Variants in KIF3C observed in about 807,000 individuals in gnomAD.
KIF3C encodes the protein kinesin family member 3C, also known as kinesin-like protein KIF3C.
KIF3C carries 12 observed loss-of-function variants against 67.7 expected under a neutral mutation model. The ratio of observed to expected loss-of-function variants is 0.18; its 90% CI spans 0.11 to 0.29. The LOEUF is 0.29. Among genes scored for constraint, KIF3C ranks in the 10% least tolerant of loss-of-function variants. KIF3C has a pLI of 1.00. For synonymous variants in KIF3C, 393 were observed against 426.2 expected, an observed-to-expected ratio of 0.92 and a Z score of 0.96; for missense variants, 789 against 1,059.6, an observed-to-expected ratio of 0.74 and a Z score of 3.55.
intron 1 of KIF3C, among the ~76,000 whole-genome samples, chr2:25,973,953 G>C (rs906068097): frequency 1.2e-4 from 18 of 152,224 alleles, no homozygotes; most frequent in Admixed American, 6.5e-5. Flanking sequence ...AATATATCAG[G>C]AAGGTGGCCA....
intron 5 of KIF3C, among the ~76,000 whole-genome samples, chr2:25,944,070 T>C (rs1373434908): frequency 6.6e-6 from 1 of 151,948 alleles, no homozygotes; most frequent in African/African-American, 2.4e-5. Context: ...TTCATAGATA[T>C]GTAATCTTGC....
At chr2:25,951,424 A>C (rs944100536) in intron 5 of KIF3C, 15 of 243,432 alleles carry the variant, frequency 6.2e-5, no homozygotes, top group Admixed American at 1.0e-4. Flanking sequence ...GCGCTTGGCA[A>C]ATATTAACTG....
chr2:25,942,527 C>G (rs1225009156), intron 5 of KIF3C, among the ~76,000 whole-genome samples: 1 of 151,718 alleles, frequency 6.6e-6, no homozygotes, highest in Non-Finnish European at 1.5e-5. Context: ...TCTCCTGCCT[C>G]AGCCTCCCAA....
chr2:25,966,100 T>G (rs1664132868), intron 1 of KIF3C, among the ~76,000 whole-genome samples: 1 of 151,704 alleles, frequency 6.6e-6, no homozygotes, highest in Non-Finnish European at 1.5e-5. Context: ...TTAAGGAATC[T>G]GTCTAGATGC....
chr2:25,962,525 C>T (rs965981874), intron 1 of KIF3C, among the ~76,000 whole-genome samples: 23 of 150,598 alleles, frequency 1.5e-4, no homozygotes, highest in Admixed American at 3.4e-4. Flanking sequence ...ATTACAGGCG[C>T]GCACCACCAC....
chr2:25,928,770 G>A lies in KIF3C; in HGVS notation c.*208C>T, dbSNP rs1276777738. 6 of 529,566 alleles carry A rather than the reference G, an allele frequency of 1.1e-5. No individual in the cohort carries two copies. Among genetic ancestry groups the A allele is most frequent in the Non-Finnish European group, 2.0e-5 (6 of 296,610 alleles). The allele number at this position is 529,566 out of a possible 1,614,324, so 32.8% of individuals were successfully genotyped here. On this transcript the variant is annotated 3_prime_UTR_variant, in exon 8 of 8. Transcript: ENST00000264712. ...TCAGGCGAGGGCATCTCCCCAACAC[G>A]AACAGAGCTCCGCGAATAAATAACA...
chr2:25,954,438 CAGT>C, intron 3 of KIF3C, 53 bp from the exon 4 acceptor site: 1 of 1,368,708 alleles, frequency 7.3e-7, no homozygotes, highest in Non-Finnish European at 1.0e-6. Context: ...AACGAGGCCC[CAGT>C]CACCCAGCCT....
rs1385356016 is a variant in KIF3C at position 25,958,859 on chromosome 2, G to A, written c.1546-2415C>T. On this transcript the variant is annotated intron_variant, in intron 1 of 7. Coordinates refer to ENST00000264712, the MANE Select transcript of KIF3C (RefSeq NM_002254.8). The surrounding 1 kb of genome is among the most constrained non-coding windows in gnomAD (Gnocchi z 4.5). ...GGAGGCCAAGGCAGGCGGATCACCT[G>A]AGGTTGGGAGTTCGAGACCAGTCTG... Among the ~76,000 whole-genome samples, 1 of 152,142 alleles carries A rather than the reference G, an allele frequency of 6.6e-6. No individual in the cohort carries two copies. Among genetic ancestry groups the A allele is most frequent in the African/African-American group, 2.4e-5 (1 of 41,434 alleles).
chr2:25,942,223 T>C (rs1663300090), intron 5 of KIF3C, among the ~76,000 whole-genome samples: 1 of 150,446 alleles, frequency 6.6e-6, no homozygotes, highest in South Asian at 2.2e-4. Context: ...CTGGGCGTGG[T>C]GGCACATGCC....
rs373047696 is a variant in KIF3C at position 25,980,767 on chromosome 2, T to C, written c.1151A>G (p.Gln384Arg). The C allele has an allele frequency of 1.4e-5, 23 of 1,614,136 alleles. 1 individual carries two copies. In the East Asian group the frequency reaches 3.8e-4, roughly 27 times the overall value. ...DPKDTLLREF[Q>R]EEIARLKAQL... ...GGCCTTCAGGCGGGCAATCTCCTCT[T>C]GGAATTCCCGCAGCAGTGTGTCCTT... Residue 384 changes from glutamine to arginine, a missense_variant, in exon 1 of 8, where the codon CAA (glutamine) becomes CGA (arginine). Around this residue, in one of 2 missense-constraint regions of KIF3C, gnomAD observed 648 missense variants for 807.8 expected, o/e 0.80. Transcript: ENST00000264712. This position sits in a 1 kb window ranked among gnomAD's most constrained non-coding sequence, Gnocchi z 7.6.
chr2:25,953,830 G>C (rs1182813861), intron 4 of KIF3C, among the ~76,000 whole-genome samples: 1 of 151,362 alleles, frequency 6.6e-6, no homozygotes, highest in Non-Finnish European at 1.5e-5. Flanking sequence ...ACCATGCCCG[G>C]CTAATTTTTG....
chr2:25,955,601 G>C lies in KIF3C; in HGVS notation c.1710C>G (p.Leu570=). The C allele has an allele frequency of 6.2e-7, 1 of 1,614,066 alleles. No individual in the cohort carries two copies. The highest frequency in any genetic ancestry group is 1.1e-5 in the South Asian group (1 of 91,072). ...GCTGCAGGGATGTGTAGGTGCCCCGGAGCTCCATAGTCTCCTCGTCCCGGA... is the reference window on the plus strand; with the variant it reads ...GCTGCAGGGATGTGTAGGTGCCCCGCAGCTCCATAGTCTCCTCGTCCCGGA... ...MMLRDEETME[L]RGTYTSLQQE... The change falls in exon 3 of 8, where the codon CTC becomes CTG. Residue 570 remains leucine, a synonymous_variant. Coordinates refer to ENST00000264712, the MANE Select transcript of KIF3C (RefSeq NM_002254.8). This position sits in a 1 kb window ranked among gnomAD's most constrained non-coding sequence, Gnocchi z 5.0.
chr2:25,947,559 T>C (rs138207395), intron 5 of KIF3C, among the ~76,000 whole-genome samples: 4,788 of 151,496 alleles, frequency 0.032, 98 homozygotes, highest in Non-Finnish European at 0.043. Flanking sequence ...CCAGCCTGGG[T>C]GACAGAGCGA....
intron 1 of KIF3C, among the ~76,000 whole-genome samples, chr2:25,968,206 G>A (rs1664192754): frequency 6.6e-6 from 1 of 152,164 alleles, no homozygotes; most frequent in Non-Finnish European, 1.5e-5. Context: ...CCTTCCCTGG[G>A]AGACAAAAAT....
intron 5 of KIF3C, among the ~76,000 whole-genome samples, chr2:25,951,061 A>G (rs1162034090): frequency 6.6e-6 from 1 of 152,100 alleles, no homozygotes; most frequent in Non-Finnish European, 1.5e-5. Flanking sequence ...GAGAGAGCAA[A>G]TAATCTCCAG....
At chr2:25,952,541 GTGTGTGTGTATA>G (rs1472696472) in intron 4 of KIF3C, among the ~76,000 whole-genome samples, 2 of 121,484 alleles carry the variant, frequency 1.6e-5, no homozygotes, top group East Asian at 1.8e-3. Flanking sequence ...GTGTGTGTGT[GTGTGTGTGTATA>G]TATATATATA....
intron 1 of KIF3C, among the ~76,000 whole-genome samples, chr2:25,966,112 CT>C (rs1182845191): frequency 0.016 from 2,385 of 144,850 alleles, 54 homozygotes; most frequent in African/African-American, 0.051. Context: ...TCTAGATGCT[CT>C]TTTTTTTTTT....
intron 1 of KIF3C, among the ~76,000 whole-genome samples, chr2:25,962,929 ATACATAT>A (rs1664011571): frequency 2.1e-5 from 1 of 48,658 alleles, no homozygotes; most frequent in Non-Finnish European, 3.0e-5. Flanking sequence ...ATAATATATA[ATACATAT>A]AATATATAAT....
chr2:25,928,919 C>A lies in KIF3C; in HGVS notation c.*59G>T. The A allele has an allele frequency of 6.9e-7, 1 of 1,442,922 alleles. No homozygotes were observed. 89.4% of individuals were successfully genotyped at this position (1,442,922 alleles called of 1,614,324 possible). A position where few individuals can be genotyped will look rare whatever the true frequency, so the allele number is the denominator to read the frequency against. ...CGCACCAAGCGGCAGATGAGATGAG[C>A]CAGGGTTGGCTGCCCCATCCCAGGA... On this transcript the variant is annotated 3_prime_UTR_variant, in exon 8 of 8. Transcript: ENST00000264712.
Sources: allele counts gnomAD v4.1 joint callset (sites outside exome capture counted in the v4.1 genomes callset), GRCh38; gene constraint gnomAD v4.1.1; regional missense constraint gnomAD v4.1.1; non-coding constraint Gnocchi (gnomAD v3.1); transcripts MANE v1.5; gene names NCBI Gene and HGNC (gene_info 2026-07-23, HGNC 2026-07-21).